Variants in NOX4 observed in about 807,000 individuals in gnomAD.
NOX4 encodes the protein NADPH oxidase 4, also known as kidney oxidase-1.
Under a neutral mutation model 87.6 loss-of-function variants are expected in NOX4, and 69 were observed. The observed-to-expected ratio is 0.79, with a 90% CI of 0.65 to 0.96. The LOEUF is 0.96. NOX4 is among the 40% of genes least tolerant of loss of function. NOX4 has a pLI of 0.00. For synonymous variants in NOX4, 275 were observed against 238.2 expected (o/e 1.15, Z -1.42); for missense variants, 680 against 681.5 (o/e 1.00, Z 0.02).
chr11:89,485,955 T>G (rs114183992), intron 2 of NOX4, among the ~76,000 whole-genome samples: 1 of 152,100 alleles, frequency 6.6e-6, no homozygotes, highest in African/African-American at 2.4e-5. Flanking sequence ...CATGACCACG[T>G]TGCCTCCACT....
chr11:89,429,841 C>T (rs2135301941), intron 7 of NOX4, among the ~76,000 whole-genome samples: 2 of 152,272 alleles, frequency 1.3e-5, no homozygotes, highest in East Asian at 1.9e-4. Flanking sequence ...GGAATCCTCC[C>T]TAACTCATTT....
At chr11:89,344,421 A>G (rs989278665) in intron 13 of NOX4, among the ~76,000 whole-genome samples, 46 of 152,108 alleles carry the variant, frequency 3.0e-4, no homozygotes, top group South Asian at 2.1e-4. Context: ...ACGGTGGCAC[A>G]TGCTTGTAAT....
rs564689458 is a variant in NOX4 at position 89,335,201 on chromosome 11, C to G, written c.1616+644G>C. Among the ~76,000 whole-genome samples the G allele has an allele frequency of 4.7e-4, 72 of 151,844 alleles. No individual in the cohort carries two copies. The South Asian group carries it at 9.7e-3, about 21-fold the overall frequency. ...CTTAGAATTCTTATAGATCAGTGCT[C>G]TGCACTATGATAAATTTACAAAAGA... On this transcript the variant is annotated intron_variant, in intron 17 of 17. Transcript: ENST00000263317.
the NOX4 span, among the ~76,000 whole-genome samples, chr11:89,504,449 G>T: frequency 2.1e-3 from 313 of 152,086 alleles, no homozygotes; most frequent in African/African-American, 7.1e-3. Flanking sequence ...TGGATGAATA[G>T]ACAGGATGTG....
At chr11:89,353,596 A>T (rs899045330) in intron 13 of NOX4, among the ~76,000 whole-genome samples, 1 of 152,184 alleles carries the variant, frequency 6.6e-6, no homozygotes, top group Non-Finnish European at 1.5e-5. Flanking sequence ...AAAAAGTGTG[A>T]CAGCTTTATT....
intron 11 of NOX4, among the ~76,000 whole-genome samples, chr11:89,383,417 C>A (rs1940445436): frequency 6.6e-6 from 1 of 152,326 alleles, no homozygotes; most frequent in Non-Finnish European, 1.5e-5. Context: ...GGCCCTCTGA[C>A]TGACTCCTTC....
chr11:89,582,243 A>G, the NOX4 span, among the ~76,000 whole-genome samples: 1 of 152,114 alleles, frequency 6.6e-6, no homozygotes. Flanking sequence ...ATACATGTAA[A>G]CACACACTAT....
chr11:89,491,456 C>T (rs1279455710), upstream of NOX4: 3 of 533,582 alleles, frequency 5.6e-6, no homozygotes, highest in African/African-American at 4.1e-5. Flanking sequence ...CCCTGACTCC[C>T]ACCCGCACCG....
chr11:89,521,955 T>C, the NOX4 span, among the ~76,000 whole-genome samples: 15 of 151,944 alleles, frequency 9.9e-5, no homozygotes, highest in African/African-American at 3.1e-4. Context: ...ATTGGAGAAA[T>C]GCAAATCAAA....
the NOX4 span, among the ~76,000 whole-genome samples, chr11:89,567,364 C>T: frequency 6.6e-6 from 1 of 152,206 alleles, no homozygotes; most frequent in African/African-American, 2.4e-5. Context: ...CCTATGGCCT[C>T]TTCCTACTAC....
At chr11:89,392,915 T>A (rs1187417939) in intron 11 of NOX4, among the ~76,000 whole-genome samples, 1 of 152,102 alleles carries the variant, frequency 6.6e-6, no homozygotes, top group Non-Finnish European at 1.5e-5. Flanking sequence ...CAGAGACCAT[T>A]TGGAAGTGAG....
In NOX4 at chr11:89,326,564, C is replaced by T. The variant is rs1945227472; in HGVS notation, c.*192G>A. On this transcript the variant is annotated 3_prime_UTR_variant, in exon 18 of 18. Coordinates refer to ENST00000263317, the MANE Select transcript of NOX4 (RefSeq NM_016931.5). ...TCACATCAAATATTCTTCAGGGTCT[C>T]TTTGGTTTCCAGATTAAACATGTAA... The T allele has an allele frequency of 8.9e-6, 4 of 448,528 alleles. No homozygotes were observed. Among genetic ancestry groups the T allele is most frequent in the African/African-American group, 2.0e-5 (1 of 49,590 alleles). The allele number at this position is 448,528 out of a possible 1,614,324, so 27.8% of individuals were successfully genotyped here. A position where few individuals can be genotyped will look rare whatever the true frequency, so the allele number is the denominator to read the frequency against.
intron 2 of NOX4, among the ~76,000 whole-genome samples, chr11:89,474,698 C>T (rs930146787): frequency 7.2e-5 from 11 of 151,878 alleles, no homozygotes; most frequent in South Asian, 4.2e-4. Flanking sequence ...TAAATGAAAG[C>T]GATTCAGGTG....
At chr11:89,577,931 T>C in the NOX4 span, among the ~76,000 whole-genome samples, 1 of 152,186 alleles carries the variant, frequency 6.6e-6, no homozygotes, top group Non-Finnish European at 1.5e-5. Flanking sequence ...TGCATATTTC[T>C]AAGGCAAAGT....
rs538622198 is a variant in NOX4, at chr11:89,480,240, C to T, written c.153+10218G>A. 6.6e-5 allele frequency among the ~76,000 whole-genome samples: 10 copies of T among 152,222 alleles called. No homozygotes were observed. The South Asian group carries it at 2.1e-3, about 32-fold the overall frequency. Reference sequence around the variant, plus strand: ...CATATTGCATGCTAAGGGTTGACTGCCATTTTTTTTGGCATGAAGACAAAC... The same window carrying T: ...CATATTGCATGCTAAGGGTTGACTGTCATTTTTTTTGGCATGAAGACAAAC... On this transcript the variant is annotated intron_variant, in intron 2 of 17. Coordinates refer to ENST00000263317, the MANE Select transcript of NOX4 (RefSeq NM_016931.5).
intron 9 of NOX4, among the ~76,000 whole-genome samples, chr11:89,401,640 T>C (rs1941861388): frequency 6.6e-6 from 1 of 152,100 alleles, no homozygotes; most frequent in South Asian, 2.1e-4. Flanking sequence ...CTTATTGAAC[T>C]AATCGCTGAA....
At chr11:89,560,992 C>CTATATATA in the NOX4 span, among the ~76,000 whole-genome samples, 21 of 68,180 alleles carry the variant, frequency 3.1e-4, no homozygotes, top group Non-Finnish European at 4.4e-4. Context: ...CTCTCTCTCT[C>CTATATATA]TCTCTATATA....
At chr11:89,410,867 C>A (rs1847143) in intron 8 of NOX4, among the ~76,000 whole-genome samples, 63,372 of 151,750 alleles carry the variant, frequency 0.42, 13,593 homozygotes, top group East Asian at 0.56. Flanking sequence ...GGGTGGCACA[C>A]GCCCCAGTGA....
the NOX4 span, among the ~76,000 whole-genome samples, chr11:89,506,293 A>AGG: frequency 1.8e-5 from 1 of 55,652 alleles, no homozygotes; most frequent in African/African-American, 6.1e-5. Flanking sequence ...GGAAGAAAGA[A>AGG]AGAAAGAAAG....
Sources: gnomAD v4.1 joint callset for allele counts (sites outside exome capture counted in the v4.1 genomes callset) on GRCh38, gnomAD v4.1.1 for gene constraint, MANE v1.5 for transcripts, NCBI Gene and HGNC (gene_info 2026-07-23, HGNC 2026-07-21) for gene names.